Variants in GORAB observed in about 807,000 individuals in gnomAD.
GORAB encodes the protein golgin, RAB6 interacting.
In GORAB, 17 loss-of-function variants were observed where a neutral mutation model predicts 29.9. The ratio of observed to expected loss-of-function variants is 0.57; its 90% CI spans 0.39 to 0.85. The LOEUF is 0.85. GORAB is among the 40% of genes least tolerant of loss of function. The pLI, the probability that GORAB is intolerant of heterozygous loss-of-function variation, is 0.00. For missense variants in GORAB, 442 were observed against 437.8 expected (o/e 1.01, Z -0.09); for synonymous variants, 183 against 157.2 (o/e 1.16, Z -1.23).
At position 170,553,302 on chromosome 1, in the gene GORAB, G is replaced by T. The variant is rs1179332262; in HGVS notation, c.*840G>T. The T allele has an allele frequency of 2.2e-6, 1 of 450,714 alleles. No individual in the cohort carries two copies. Among genetic ancestry groups the T allele is most frequent in the Non-Finnish European group, 4.4e-6 (1 of 226,004 alleles). 27.9% of individuals were successfully genotyped at this position (450,714 alleles called of 1,614,324 possible). ...TCTATAAATATGTTTTTGATATGTT[G>T]GACATGAATTACCCTGTCATGAAGC... is the stretch of plus-strand genomic sequence containing the variant. On this transcript the variant is annotated 3_prime_UTR_variant, in exon 5 of 5. Coordinates refer to ENST00000367763, the MANE Select transcript of GORAB (RefSeq NM_152281.3).
At position 170,532,172 on chromosome 1, in the gene GORAB, A is replaced by G. The variant is rs764775112; in HGVS notation, c.-52A>G. 7 of 1,613,492 alleles carry G rather than the reference A, an allele frequency of 4.3e-6. No individual in the cohort carries two copies. Among genetic ancestry groups the G allele is most frequent in the South Asian group, 1.1e-5 (1 of 91,044 alleles). On this transcript the variant is annotated 5_prime_UTR_variant, in exon 1 of 5. Transcript: ENST00000367763. The stretch of plus-strand genomic sequence containing the variant: ...GGATGAGCTGGGCAGCAGTGTTGGC[A>G]GTCGCGGCTGCGAGATTTGGGCACT...
At chr1:170,532,319 G>T in intron 1 of GORAB, 35 bp downstream of exon 1, 1 of 1,608,556 alleles carries the variant, frequency 6.2e-7, no homozygotes, top group Non-Finnish European at 8.5e-7. Flanking sequence ...TTAATTCTTG[G>T]GTCTTAAGGG....
At position 170,553,171 on chromosome 1, in the gene GORAB, A is replaced by C. The variant is rs1008345935; in HGVS notation, c.*709A>C. 4.6e-6 allele frequency: 2 copies of C among 432,854 alleles called. No individual in the cohort carries two copies. Among genetic ancestry groups the C allele is most frequent in the African/African-American group, 4.1e-5 (2 of 48,894 alleles). The allele number at this position is 432,854 out of a possible 1,614,324, so 26.8% of individuals were successfully genotyped here. On this transcript the variant is annotated 3_prime_UTR_variant, in exon 5 of 5. Coordinates refer to ENST00000367763, the MANE Select transcript of GORAB (RefSeq NM_152281.3). ...TTTCCTTTAATCGATGAATTGATTAAATTTAGACAATTAAAACATTTCTAA... is the reference window on the plus strand; with the variant it reads ...TTTCCTTTAATCGATGAATTGATTACATTTAGACAATTAAAACATTTCTAA...
rs1254218577 is a variant in GORAB, at chr1:170,552,964, A to G, written c.*502A>G. On this transcript the variant is annotated 3_prime_UTR_variant, in exon 5 of 5. Coordinates refer to ENST00000367763, the MANE Select transcript of GORAB (RefSeq NM_152281.3). ...TGCAGGTTGAATTATCTATCTGGAT[A>G]TTACTAGAGTTGTAAAACACAACTT... 1 of 451,912 alleles carries G rather than the reference A, an allele frequency of 2.2e-6. No individual in the cohort carries two copies. Among genetic ancestry groups the G allele is most frequent in the Non-Finnish European group, 4.4e-6 (1 of 226,300 alleles). The allele number at this position is 451,912 out of a possible 1,614,324, so 28.0% of individuals were successfully genotyped here. A position where few individuals can be genotyped will look rare whatever the true frequency, so the allele number is the denominator to read the frequency against.
chr1:170,541,994 A>G (rs1649459984), intron 2 of GORAB, among the ~76,000 whole-genome samples: 1 of 152,184 alleles, frequency 6.6e-6, no homozygotes, highest in African/African-American at 2.4e-5. Flanking sequence ...AAGAGTTGGG[A>G]AAAAGTGAGC....
chr1:170,534,418 G>A (rs1039457523), intron 1 of GORAB, among the ~76,000 whole-genome samples: 1 of 152,088 alleles, frequency 6.6e-6, no homozygotes, highest in Non-Finnish European at 1.5e-5. Flanking sequence ...TCTTCACAGC[G>A]CCAACTGTGG....
chr1:170,546,469 A>C (rs1207033226), intron 4 of GORAB, among the ~76,000 whole-genome samples: 1 of 152,148 alleles, frequency 6.6e-6, no homozygotes, highest in Non-Finnish European at 1.5e-5. Context: ...TTTCATATTC[A>C]GTATTATATA....
intron 4 of GORAB, chr1:170,545,363 T>A: frequency 1.0e-6 from 1 of 960,060 alleles, no homozygotes; most frequent in Non-Finnish European, 1.2e-6. Context: ...CTTGGAAATT[T>A]GAAATATTTT....
At chr1:170,540,263 A>C (rs1415728771) in intron 2 of GORAB, among the ~76,000 whole-genome samples, 1 of 151,998 alleles carries the variant, frequency 6.6e-6, no homozygotes, top group African/African-American at 2.4e-5. Flanking sequence ...CAACCTTCAT[A>C]ATTTAGCTAC....
chr1:170,550,301 C>G (rs1347989066), intron 4 of GORAB, among the ~76,000 whole-genome samples: 3 of 152,214 alleles, frequency 2.0e-5, no homozygotes, highest in African/African-American at 7.2e-5. Flanking sequence ...ATGTTCTCCT[C>G]TGAGAGTGTG....
chr1:170,539,313 T>TGG lies in GORAB; in HGVS notation c.166_167dup (p.Ser57AspfsTer100), dbSNP rs1188435465. On this transcript the variant is annotated frameshift_variant, in exon 2 of 5. Transcript: ENST00000367763. LOFTEE classifies it high-confidence loss of function. ...AAAGCCAAAAACTTGGGCTTCAAGA[T>TGG]GGATCAACCTCATTACTTCCAGAGC... 1.2e-6 allele frequency: 2 copies of TGG among 1,614,058 alleles called. No individual in the cohort carries two copies.
At chr1:170,537,332 A>G (rs1297224696) in intron 1 of GORAB, among the ~76,000 whole-genome samples, 1 of 152,182 alleles carries the variant, frequency 6.6e-6, no homozygotes, top group Non-Finnish European at 1.5e-5. Flanking sequence ...GTTAATTGCT[A>G]TAGCAAGACC....
At chr1:170,537,760 G>A (rs1236974104) in intron 1 of GORAB, among the ~76,000 whole-genome samples, 1 of 152,068 alleles carries the variant, frequency 6.6e-6, no homozygotes, top group East Asian at 1.9e-4. Context: ...CAGAGTGTGG[G>A]AAGCAATATG....
At chr1:170,532,362 G>A (rs1011976543) in intron 1 of GORAB, 78 bp downstream of exon 1, 1 of 1,496,542 alleles carries the variant, frequency 6.7e-7, no homozygotes, top group African/African-American at 1.4e-5. Flanking sequence ...GGCGGGGAAA[G>A]GGGGCGTGGA....
intron 1 of GORAB, among the ~76,000 whole-genome samples, chr1:170,533,826 A>G (rs1414969064): frequency 2.0e-5 from 3 of 152,160 alleles, no homozygotes; most frequent in Non-Finnish European, 4.4e-5. Flanking sequence ...GAGGACGGAA[A>G]ATATCTTAAC....
chr1:170,546,586 A>T lies in GORAB; in HGVS notation c.662+1741A>T, dbSNP rs142195477. On this transcript the variant is annotated intron_variant, in intron 4 of 4. Coordinates refer to ENST00000367763, the MANE Select transcript of GORAB (RefSeq NM_152281.3). ...AAGTATCCTAAATGAAATTTTAGTA[A>T]ATTTTTAAATCTTTAGTAAGTTACA... is the stretch of plus-strand genomic sequence containing the variant. 2.5e-3 allele frequency among the ~76,000 whole-genome samples: 387 copies of T among 152,310 alleles called. 1 individual carries two copies. Among genetic ancestry groups the T allele is most frequent in the Non-Finnish European group, 3.7e-3 (250 of 68,024 alleles).
Position 170,552,467 on chromosome 1 carries a change from C to G in GORAB, c.*5C>G. The G allele has an allele frequency of 2.5e-6, 4 of 1,612,318 alleles. No homozygotes were observed. Among genetic ancestry groups the G allele is most frequent in the Non-Finnish European group, 3.4e-6 (4 of 1,178,870 alleles). On this transcript the variant is annotated 3_prime_UTR_variant, in exon 5 of 5. Transcript: ENST00000367763. ...TCAGCTGCTTTGGCCACATGAAGTTCTGGTATTCTTTTGAGCTAATATGGT... is the reference window on the plus strand; with the variant it reads ...TCAGCTGCTTTGGCCACATGAAGTTGTGGTATTCTTTTGAGCTAATATGGT...
At chr1:170,549,975 C>T (rs1650011145) in intron 4 of GORAB, among the ~76,000 whole-genome samples, 1 of 152,114 alleles carries the variant, frequency 6.6e-6, no homozygotes, top group South Asian at 2.1e-4. Context: ...AAGTTTGCCC[C>T]ATTTATACTG....
At chr1:170,546,937 A>G (rs4656783) in intron 4 of GORAB, among the ~76,000 whole-genome samples, 142,231 of 152,126 alleles carry the variant, frequency 0.93, 67,197 homozygotes, top group East Asian at 1. Flanking sequence ...CGCCTGCCTC[A>G]GCCTCCCAAA....
Sources: allele counts gnomAD v4.1 joint callset (sites outside exome capture counted in the v4.1 genomes callset), GRCh38; gene constraint gnomAD v4.1.1; transcripts MANE v1.5; gene names NCBI Gene and HGNC (gene_info 2026-07-23, HGNC 2026-07-21).